The following GOLGA1 variants were observed in gnomAD, a reference collection of about 807,000 sequenced individuals.
The protein encoded by GOLGA1 is golgin subfamily A member 1.
In GOLGA1, 63 loss-of-function variants were observed where a neutral mutation model predicts 119.7. The ratio of observed to expected loss-of-function variants is 0.53; its 90% CI spans 0.43 to 0.65. The LOEUF (loss-of-function observed/expected upper bound fraction) is 0.65. GOLGA1 is among the 30% of genes least tolerant of loss of function. GOLGA1 has a pLI of 0.00. For synonymous variants in GOLGA1, 318 were observed against 333.4 expected, an observed-to-expected ratio of 0.95 and a Z score of 0.50; for missense variants, 798 against 912.8, an observed-to-expected ratio of 0.87 and a Z score of 1.62.
chr9:124,884,491 G>C (rs1270347802), intron 19 of GOLGA1, among the ~76,000 whole-genome samples: 1 of 152,136 alleles, frequency 6.6e-6, no homozygotes, highest in African/African-American at 2.4e-5. Flanking sequence ...TAATGTGACA[G>C]GAACTCCCGG....
At chr9:124,917,623 C>A (rs184586723) in intron 10 of GOLGA1, among the ~76,000 whole-genome samples, 1 of 152,214 alleles carries the variant, frequency 6.6e-6, no homozygotes, top group Non-Finnish European at 1.5e-5. Flanking sequence ...AAGACCCTCT[C>A]AGTCTCCTAA....
At chr9:124,919,098 T>TA (rs997341404) in intron 10 of GOLGA1, among the ~76,000 whole-genome samples, 13 of 150,348 alleles carry the variant, frequency 8.6e-5, no homozygotes, top group East Asian at 3.9e-4. Flanking sequence ...ATAATAATAA[T>TA]AAAAAAAAAT....
chr9:124,901,958 G>C (rs1830116578), intron 12 of GOLGA1, among the ~76,000 whole-genome samples: 1 of 152,188 alleles, frequency 6.6e-6, no homozygotes, highest in Non-Finnish European at 1.5e-5. Flanking sequence ...GAGTGGGACA[G>C]ATGTAGACTG....
At chr9:124,931,066 A>G (rs1830762282) in intron 4 of GOLGA1, among the ~76,000 whole-genome samples, 1 of 152,182 alleles carries the variant, frequency 6.6e-6, no homozygotes, top group Non-Finnish European at 1.5e-5. Flanking sequence ...ATATATTATT[A>G]TTATCTTTTA....
intron 11 of GOLGA1, 96 bp from the exon 12 acceptor site, chr9:124,908,568 C>T (rs962882524): frequency 3.8e-5 from 29 of 755,140 alleles, no homozygotes; most frequent in Admixed American, 5.8e-5. Context: ...GTGCTAGGCA[C>T]AAGAGACATG....
rs1389769305 is a variant in GOLGA1 at position 124,880,399 on chromosome 9, T to C, written c.*131A>G. The C allele has an allele frequency of 1.6e-6, 1 of 642,590 alleles. No homozygotes were observed. The highest frequency in any genetic ancestry group is 2.9e-6 in the Non-Finnish European group (1 of 339,814). The allele number at this position is 642,590 out of a possible 1,614,324, so 39.8% of individuals were successfully genotyped here. The stretch of plus-strand genomic sequence containing the variant: ...TGCAGGGAAGTGGGCCTTAGTCTTG[T>C]AAACAATGTTTAGACACTTGTACAA... On this transcript the variant is annotated 3_prime_UTR_variant, in exon 23 of 23. Coordinates refer to ENST00000373555, the MANE Select transcript of GOLGA1 (RefSeq NM_002077.4).
rs542973857 is a variant in GOLGA1, at chr9:124,881,331, G to T, written c.2137-74C>A. The T allele has an allele frequency of 3.0e-5, 25 of 830,566 alleles. No individual in the cohort carries two copies. The highest frequency in any genetic ancestry group is 4.7e-5 in the Non-Finnish European group (22 of 466,994). The allele number at this position is 830,566 out of a possible 1,614,324, so 51.4% of individuals were successfully genotyped here. ...GGGGTGGGGTCGGGGGAGCTACGTG[G>T]CATTTCCTGCTTGCTTTGGTTAGCA... On this transcript the variant is annotated intron_variant, in intron 21 of 22. Coordinates refer to ENST00000373555, the MANE Select transcript of GOLGA1 (RefSeq NM_002077.4). This position sits in a 1 kb window ranked among gnomAD's most constrained non-coding sequence, Gnocchi z 4.9.
At chr9:124,895,924 G>GA (rs200264888) in intron 15 of GOLGA1, among the ~76,000 whole-genome samples, 2 of 144,964 alleles carry the variant, frequency 1.4e-5, no homozygotes, top group Admixed American at 7.9e-5. Flanking sequence ...CCACAACAGA[G>GA]ACCCTCCACA....
At chr9:124,942,724 G>C (rs976238347), upstream of GOLGA1, 5 of 152,178 alleles carry the variant, frequency 3.3e-5, no homozygotes, top group African/African-American at 7.2e-5. Context: ...CATTCCTAGA[G>C]AACATTTATC....
Position 124,921,120 on chromosome 9 carries a change from T to C in GOLGA1, c.843+9A>G, listed in dbSNP as rs1830560833. 8 of 1,497,548 alleles carry C rather than the reference T, an allele frequency of 5.3e-6. No individual in the cohort carries two copies. Among genetic ancestry groups the C allele is most frequent in the Non-Finnish European group, 7.4e-6 (8 of 1,074,282 alleles). 92.8% of individuals were successfully genotyped at this position (1,497,548 alleles called of 1,614,324 possible). A position where few individuals can be genotyped will look rare whatever the true frequency, so the allele number is the denominator to read the frequency against. On this transcript the variant is annotated intron_variant, in intron 10 of 22. Transcript: ENST00000373555. ...AGAAATCCAGGTCTTCTCCTCATATTCTACTTACCTTTTGCAAATCAATGG... is the reference window on the plus strand; with the variant it reads ...AGAAATCCAGGTCTTCTCCTCATATCCTACTTACCTTTTGCAAATCAATGG...
At chr9:124,907,336 T>C (rs551626691) in intron 12 of GOLGA1, among the ~76,000 whole-genome samples, 4 of 152,314 alleles carry the variant, frequency 2.6e-5, no homozygotes, top group African/African-American at 9.6e-5. Flanking sequence ...GAAAGACAGT[T>C]TGTAAGTGAA....
chr9:124,914,475 TGAGC>T (rs1431399801), intron 10 of GOLGA1, among the ~76,000 whole-genome samples: 1 of 151,616 alleles, frequency 6.6e-6, no homozygotes, highest in Non-Finnish European at 1.5e-5. Context: ...CACTCCAGCC[TGAGC>T]GAGGAGCGAC....
In GOLGA1 at chr9:124,884,016, A is replaced by T. The variant is rs200079713; in HGVS notation, c.1906-1447T>A. On this transcript the variant is annotated intron_variant, in intron 19 of 22. Coordinates refer to ENST00000373555, the MANE Select transcript of GOLGA1 (RefSeq NM_002077.4). ...AAACTTCATAATATAGGGAAAAAAA[A>T]TTTTTTTTTTTTTGAGACGGAGTCT... Among the ~76,000 whole-genome samples, 279 of 147,726 alleles carry T rather than the reference A, an allele frequency of 1.9e-3. 6 individuals are homozygous for T. In the East Asian group the frequency reaches 0.037, roughly 19 times the overall value.
intron 13 of GOLGA1, 104 bp from the exon 14 acceptor site, chr9:124,899,582 C>G (rs1830055792): frequency 2.6e-6 from 3 of 1,140,004 alleles, no homozygotes; most frequent in African/African-American, 1.5e-5. Context: ...AGAAACAACT[C>G]TCTCCTGACC....
intron 2 of GOLGA1, among the ~76,000 whole-genome samples, chr9:124,939,281 T>A (rs1193406267): frequency 6.6e-6 from 1 of 151,978 alleles, no homozygotes; most frequent in East Asian, 1.9e-4. Context: ...AGTTTAGTGT[T>A]CTTTAAGTTG....
chr9:124,947,177 A>T (rs931622243), intron 1 of GOLGA1: 1 of 152,172 alleles, frequency 6.6e-6, no homozygotes, highest in African/African-American at 2.4e-5. Flanking sequence ...TTTAAATGTG[A>T]TTAAAGCAAT....
intron 3 of GOLGA1, among the ~76,000 whole-genome samples, chr9:124,937,127 T>TTA (rs200920579): frequency 0.01 from 1,575 of 152,142 alleles, 21 homozygotes; most frequent in African/African-American, 0.035. Flanking sequence ...ATACATTCTT[T>TTA]TATATATATA....
chr9:124,902,377 G>C (rs527384572), intron 12 of GOLGA1, among the ~76,000 whole-genome samples: 1 of 152,020 alleles, frequency 6.6e-6, no homozygotes, highest in South Asian at 2.1e-4. Flanking sequence ...CTCCCAAAGT[G>C]CTGGGATTAC....
intron 3 of GOLGA1, among the ~76,000 whole-genome samples, chr9:124,932,469 T>TA (rs1830786637): frequency 1.3e-5 from 2 of 152,220 alleles, no homozygotes; most frequent in African/African-American, 4.8e-5. Flanking sequence ...CTTTACCACT[T>TA]ACGAGCTGTA....
Sources: allele counts gnomAD v4.1 joint callset (sites outside exome capture counted in the v4.1 genomes callset), GRCh38; gene constraint gnomAD v4.1.1; non-coding constraint Gnocchi (gnomAD v3.1); transcripts MANE v1.5; gene names NCBI Gene and HGNC (gene_info 2026-07-23, HGNC 2026-07-21).